COMMD10: variants seen among roughly 807,000 people sequenced by gnomAD.
COMMD10 encodes the protein COMM domain containing 10.
In COMMD10, 33 loss-of-function variants were observed where a neutral mutation model predicts 28.9. The ratio of observed to expected loss-of-function variants is 1.14; its 90% CI spans 0.87 to 1.53. The LOEUF (loss-of-function observed/expected upper bound fraction) is 1.53. Among genes scored for constraint, COMMD10 ranks in the 40% most tolerant of loss-of-function variants. COMMD10 has a pLI of 0.00. For missense variants in COMMD10, 310 were observed against 233.4 expected, an observed-to-expected ratio of 1.33 and a Z score of -2.14; for synonymous variants, 110 against 81.7, an observed-to-expected ratio of 1.35 and a Z score of -1.87.
intron 5 of COMMD10, among the ~76,000 whole-genome samples, chr5:116,169,724 C>T (rs1307188003): frequency 8.5e-5 from 13 of 152,102 alleles, no homozygotes; most frequent in African/African-American, 2.4e-5. Flanking sequence ...GTAAACAGAA[C>T]CAATGACAAA....
At position 116,146,953 on chromosome 5, in the gene COMMD10, A is replaced by C. The variant is rs369925671; in HGVS notation, c.510+12775A>C. ...GATCCAAAGCTGCAACCTTTCAGAAATGCCATGTCCATATTTTAAAAAACT... is the reference window on the plus strand; with the variant it reads ...GATCCAAAGCTGCAACCTTTCAGAACTGCCATGTCCATATTTTAAAAAACT... On this transcript the variant is annotated intron_variant, in intron 5 of 6. Coordinates refer to ENST00000274458, the MANE Select transcript of COMMD10 (RefSeq NM_016144.4). 4.6e-5 allele frequency among the ~76,000 whole-genome samples: 7 copies of C among 151,996 alleles called. No homozygotes were observed. The East Asian group carries it at 1.2e-3, about 25-fold the overall frequency.
At chr5:116,275,364 A>G (rs578258400) in intron 5 of COMMD10, among the ~76,000 whole-genome samples, 2 of 151,782 alleles carry the variant, frequency 1.3e-5, no homozygotes, top group African/African-American at 2.4e-5. Flanking sequence ...TTTATTCCCA[A>G]TAATTTATCT....
chr5:116,198,217 A>G (rs1371830696), intron 5 of COMMD10, among the ~76,000 whole-genome samples: 4 of 152,076 alleles, frequency 2.6e-5, no homozygotes, highest in African/African-American at 9.7e-5. Context: ...CCCTTTTTGT[A>G]TGCCTTTTAT....
In COMMD10 at chr5:116,270,525, T is replaced by A. The variant is rs997015095; in HGVS notation, c.511-20992T>A. Among the ~76,000 whole-genome samples, 8 of 152,000 alleles carry A rather than the reference T, an allele frequency of 5.3e-5. No homozygotes were observed. In the East Asian group the frequency reaches 1.5e-3, roughly 29 times the overall value. The stretch of plus-strand genomic sequence containing the variant: ...TGGAGATACTGATGAAAAGGAATGT[T>A]AGCAAATTCAGCATTCTGATTTCTG... On this transcript the variant is annotated intron_variant, in intron 5 of 6. Transcript: ENST00000274458.
intron 4 of COMMD10, among the ~76,000 whole-genome samples, chr5:116,102,127 C>A (rs926056773): frequency 6.6e-6 from 1 of 152,098 alleles, no homozygotes; most frequent in Non-Finnish European, 1.5e-5. Context: ...GTCATGAATT[C>A]TTTGCTTAGA....
chr5:116,148,250 T>G (rs1302837116), intron 5 of COMMD10, among the ~76,000 whole-genome samples: 1 of 151,888 alleles, frequency 6.6e-6, no homozygotes, highest in Non-Finnish European at 1.5e-5. Flanking sequence ...TTAACATGTT[T>G]AGACATATAG....
intron 5 of COMMD10, among the ~76,000 whole-genome samples, chr5:116,170,577 T>G (rs1753292037): frequency 6.6e-6 from 1 of 152,100 alleles, no homozygotes; most frequent in Non-Finnish European, 1.5e-5. Context: ...ACTACCTAAC[T>G]TAAAACTATA....
chr5:116,231,996 A>G (rs17139218), intron 5 of COMMD10, among the ~76,000 whole-genome samples: 8,047 of 152,186 alleles, frequency 0.053, 304 homozygotes, highest in African/African-American at 0.11. Context: ...GGGGTCATCT[A>G]AATTAGTTGT....
intron 5 of COMMD10, among the ~76,000 whole-genome samples, chr5:116,242,546 C>T (rs768045143): frequency 6.6e-6 from 1 of 152,092 alleles, no homozygotes; most frequent in Non-Finnish European, 1.5e-5. Flanking sequence ...GGTTCAGTAG[C>T]TAGTGGCCTG....
chr5:116,259,162 A>G (rs1188579567), intron 5 of COMMD10, among the ~76,000 whole-genome samples: 6 of 150,126 alleles, frequency 4.0e-5, no homozygotes, highest in African/African-American at 1.2e-4. Flanking sequence ...TCCTGGGTTC[A>G]AGTGATTCTC....
At chr5:116,151,958 G>A (rs886317386) in intron 5 of COMMD10, among the ~76,000 whole-genome samples, 1 of 151,984 alleles carries the variant, frequency 6.6e-6, no homozygotes, top group Non-Finnish European at 1.5e-5. Flanking sequence ...TAGGGTGTCA[G>A]TTTTTGATCT....
At chr5:116,161,826 G>T (rs75420932) in intron 5 of COMMD10, among the ~76,000 whole-genome samples, 8,195 of 152,116 alleles carry the variant, frequency 0.054, 317 homozygotes, top group African/African-American at 0.11. Flanking sequence ...GGAGAGGCAG[G>T]TGCACTTCAT....
chr5:116,226,659 GAA>G (rs60638341), intron 5 of COMMD10, among the ~76,000 whole-genome samples: 3 of 149,396 alleles, frequency 2.0e-5, no homozygotes, highest in South Asian at 2.1e-4. Context: ...TAACACAAGG[GAA>G]AAAAAAAATT....
At chr5:116,196,203 A>G (rs1240994508) in intron 5 of COMMD10, among the ~76,000 whole-genome samples, 3 of 152,316 alleles carry the variant, frequency 2.0e-5, no homozygotes, top group East Asian at 1.9e-4. Context: ...ATGCCCATCA[A>G]CCAACGAGTG....
intron 4 of COMMD10, among the ~76,000 whole-genome samples, chr5:116,120,470 A>C (rs756097593): frequency 3.9e-5 from 6 of 152,092 alleles, no homozygotes; most frequent in Non-Finnish European, 7.3e-5. Context: ...CATGTAAGCA[A>C]ATACCACCTG....
intron 5 of COMMD10, among the ~76,000 whole-genome samples, chr5:116,150,421 G>C (rs551525044): frequency 1.3e-5 from 2 of 152,146 alleles, no homozygotes; most frequent in Admixed American, 1.3e-4. Context: ...GATGGGGATG[G>C]CATTGAATGT....
intron 4 of COMMD10, among the ~76,000 whole-genome samples, chr5:116,122,655 A>G (rs368839518): frequency 2.6e-5 from 4 of 151,896 alleles, no homozygotes; most frequent in African/African-American, 7.3e-5. Flanking sequence ...CTTTTATTTC[A>G]TTGAGCAGTG....
intron 2 of COMMD10, among the ~76,000 whole-genome samples, chr5:116,088,850 A>G (rs1251738233): frequency 6.6e-6 from 1 of 152,240 alleles, no homozygotes; most frequent in Non-Finnish European, 1.5e-5. Flanking sequence ...ATTAGCAGGC[A>G]ACCAAATCCC....
chr5:116,274,199 C>G (rs1435607806), intron 5 of COMMD10, among the ~76,000 whole-genome samples: 2 of 151,868 alleles, frequency 1.3e-5, no homozygotes, highest in African/African-American at 2.4e-5. Flanking sequence ...ACAGGTCTTT[C>G]TAACTGGCAA....
Sources: gnomAD v4.1 joint callset for allele counts (sites outside exome capture counted in the v4.1 genomes callset) on GRCh38, gnomAD v4.1.1 for gene constraint, MANE v1.5 for transcripts, NCBI Gene and HGNC (gene_info 2026-07-23, HGNC 2026-07-21) for gene names.